Variants in IARS2 observed in about 807,000 individuals in gnomAD.
The protein encoded by IARS2 is isoleucyl-tRNA synthetase 2, mitochondrial.
In IARS2, 56 loss-of-function variants were observed where a neutral mutation model predicts 126.3. The observed-to-expected ratio is 0.44, with a 90% CI of 0.36 to 0.55. The LOEUF is 0.55. Ranked by LOEUF, IARS2 falls within the 20% of genes least tolerant of loss-of-function variation. The probability of loss-of-function intolerance (pLI) is 0.00; values close to 1 mark genes in which losing one functional copy is unlikely to be tolerated. For missense variants in IARS2, 1,127 were observed against 1,245.9 expected, an observed-to-expected ratio of 0.90 and a Z score of 1.44; for synonymous variants, 407 against 441.1, an observed-to-expected ratio of 0.92 and a Z score of 0.97.
In IARS2 at chr1:220,094,241, G is replaced by A. The variant is rs575500514; in HGVS notation, c.25G>A (p.Gly9Arg). 5.6e-6 allele frequency: 9 copies of A among 1,595,532 alleles called. No homozygotes were observed. The highest frequency in any genetic ancestry group is 4.5e-5 in the South Asian group (4 of 89,438). Residue 9 changes from glycine to arginine, a missense_variant, in exon 1 of 23, where the codon GGG becomes AGG. Gly to Arg is a moderately radical substitution (Grantham distance 125). Transcript: ENST00000366922. The stretch of plus-strand genomic sequence containing the variant: ...CATGCGTTGGGGGCTGCGCCCTCGC[G>A]GGCCGGGCGCGGCCGCCCTGGCCAC... MRWGLRPRGPGAAALATAR... is the reference protein window; with the variant it reads MRWGLRPRRPGAAALATAR...
intron 15 of IARS2, among the ~76,000 whole-genome samples, chr1:220,136,024 T>A (rs553864370): frequency 1.3e-5 from 2 of 152,134 alleles, no homozygotes; most frequent in Non-Finnish European, 2.9e-5. Flanking sequence ...ATAAAATCAG[T>A]ACATAGCAGA....
At chr1:220,132,021 C>T (rs1057096549) in intron 14 of IARS2, among the ~76,000 whole-genome samples, 5 of 152,060 alleles carry the variant, frequency 3.3e-5, no homozygotes, top group African/African-American at 9.7e-5. Flanking sequence ...TGGTCTCGAT[C>T]TCCTGACCTC....
rs1378034278 is a variant in IARS2 at position 220,139,005 on chromosome 1, T to A, written c.2176-3T>A. 3 of 1,605,586 alleles carry A rather than the reference T, an allele frequency of 1.9e-6. No homozygotes were observed. In the African/African-American group the frequency reaches 4.0e-5, roughly 22 times the overall value. Reference sequence around the variant, plus strand: ...ACTGCATATTTTTTCTTCCTATGAATAGCTTAGGAATACACTTCGCTTTCT... The same window carrying A: ...ACTGCATATTTTTTCTTCCTATGAAAAGCTTAGGAATACACTTCGCTTTCT... On this transcript the variant is annotated splice_region_variant and splice_polypyrimidine_tract_variant and intron_variant, in intron 17 of 22. Coordinates refer to ENST00000366922, the MANE Select transcript of IARS2 (RefSeq NM_018060.4).
At chr1:220,134,350 T>C in intron 14 of IARS2, 52 bp from the exon 15 acceptor site, 3 of 1,258,016 alleles carry the variant, frequency 2.4e-6, no homozygotes, top group Non-Finnish European at 3.3e-6. Flanking sequence ...TTTTTCTATT[T>C]TAATTAACTT....
chr1:220,146,114 A>G (rs1297138364), intron 22 of IARS2, among the ~76,000 whole-genome samples: 1 of 152,214 alleles, frequency 6.6e-6, no homozygotes, highest in Non-Finnish European at 1.5e-5. Flanking sequence ...TATTGAGCTC[A>G]TTCTAACAAT....
At chr1:220,107,501 A>G (rs1056711826) in intron 10 of IARS2, among the ~76,000 whole-genome samples, 5 of 152,210 alleles carry the variant, frequency 3.3e-5, no homozygotes, top group African/African-American at 1.2e-4. Flanking sequence ...TAACTGACCT[A>G]TATGGCATGA....
At position 220,136,780 on chromosome 1, in the gene IARS2, T is replaced by A. The variant is rs560189338; in HGVS notation, c.1947-29T>A. ...AAAAAGATAATTATAATTGTGTTTA[T>A]CATTAAAATAGCTGATTTGTCCCTT... On this transcript the variant is annotated intron_variant, in intron 15 of 22. Transcript: ENST00000366922. The A allele has an allele frequency of 5.7e-5, 66 of 1,150,888 alleles. No homozygotes were observed. The South Asian group carries it at 8.2e-4, about 14-fold the overall frequency. The allele number at this position is 1,150,888 out of a possible 1,614,324, so 71.3% of individuals were successfully genotyped here.
chr1:220,099,388 G>A (rs1656519058), intron 2 of IARS2, among the ~76,000 whole-genome samples: 1 of 152,092 alleles, frequency 6.6e-6, no homozygotes, highest in South Asian at 2.1e-4. Context: ...TACAGTCGAT[G>A]TAAAACATTT....
chr1:220,116,369 T>C (rs568740789), intron 12 of IARS2, among the ~76,000 whole-genome samples: 1 of 152,214 alleles, frequency 6.6e-6, no homozygotes, highest in East Asian at 1.9e-4. Flanking sequence ...AGGCTTTGAG[T>C]GTTGTTGCTG....
At chr1:220,122,159 T>A (rs189779511) in intron 12 of IARS2, among the ~76,000 whole-genome samples, 1 of 152,326 alleles carries the variant, frequency 6.6e-6, no homozygotes. Context: ...GTTACTCACT[T>A]TCTTTAGTTA....
At chr1:220,131,171 C>CTTTATTTA (rs781127057) in intron 14 of IARS2, among the ~76,000 whole-genome samples, 1 of 151,490 alleles carries the variant, frequency 6.6e-6, no homozygotes, top group African/African-American at 2.4e-5. Context: ...TGCATTGAAT[C>CTTTATTTA]TTTATTTATT....
rs746350943 is a variant in IARS2 at position 220,103,559 on chromosome 1, T to C, written c.1063T>C (p.Ser355Pro). 2 of 1,586,426 alleles carry C rather than the reference T, an allele frequency of 1.3e-6. No homozygotes were observed. The highest frequency in any genetic ancestry group is 1.7e-6 in the Non-Finnish European group (2 of 1,155,050). The part of the protein sequence containing the change: ...ETTFETISTL[S>P]GVDLENGTCS... ...AACATTTGAGACTATTTCAACACTT[T>C]CAGGTGAAGATTTTTAGATATCTGA... Residue 355 changes from serine (S) to proline (P), a missense_variant, in exon 8 of 23, where the codon TCA (serine) becomes CCA (proline). By Grantham distance (74) the Ser-to-Pro change is moderately conservative. Coordinates refer to ENST00000366922, the MANE Select transcript of IARS2 (RefSeq NM_018060.4).
At chr1:220,100,378 T>C in intron 2 of IARS2, 112 bp from the exon 3 acceptor site, 1 of 881,892 alleles carries the variant, frequency 1.1e-6, no homozygotes, top group East Asian at 2.7e-5. Context: ...ACATAAATTG[T>C]AGGCCAAATA....
chr1:220,141,933 A>C lies in IARS2; in HGVS notation c.2545A>C (p.Ile849Leu), dbSNP rs765929786. Residue 849 changes from isoleucine to leucine, a missense_variant, in exon 20 of 23, where the codon ATA becomes CTA. By Grantham distance (5) the Ile-to-Leu change is conservative (BLOSUM62 2). Transcript: ENST00000366922. The part of the protein sequence containing the change: ...PHLAEEVFQH[I>L]PYIKEPKSVF... ...CCTGGCTGAAGAGGTGTTCCAGCAC[A>C]TACCTTATATTAAAGGTAAGGAATA... is the stretch of plus-strand genomic sequence containing the variant. 5.0e-6 allele frequency: 8 copies of C among 1,613,784 alleles called. No individual in the cohort carries two copies. The East Asian group carries it at 1.3e-4, about 27-fold the overall frequency.
At chr1:220,138,128 T>C (rs1292002758) in intron 17 of IARS2, 85 bp downstream of exon 17, 10 of 1,395,552 alleles carry the variant, frequency 7.2e-6, no homozygotes, top group Admixed American at 3.6e-5. Context: ...TGTTTGGAAC[T>C]GAAAAAAACT....
intron 10 of IARS2, 37 bp from the exon 11 acceptor site, chr1:220,110,749 T>C (rs1379780257): frequency 1.3e-6 from 2 of 1,490,640 alleles, no homozygotes; most frequent in Admixed American, 4.0e-5. Context: ...CACAGTACTT[T>C]TTAATTATGT....
In IARS2 at chr1:220,110,793, G is replaced by A. The variant is rs761943135; in HGVS notation, c.1335G>A (p.Lys445=). 2.5e-6 allele frequency: 4 copies of A among 1,583,176 alleles called. No homozygotes were observed. The Admixed American group carries it at 7.0e-5, about 28-fold the overall frequency. ...GTGTTTTTTTTTTTAAAGTTATAAAGATGCTTCAGACTGCAAAGAATTTGT... is the reference window on the plus strand; with the variant it reads ...GTGTTTTTTTTTTTAAAGTTATAAAAATGCTTCAGACTGCAAAGAATTTGT... ...VLEEGTDVVI[K]MLQTAKNLLK... The change falls in exon 11 of 23, where the codon AAG becomes AAA. Residue 445 remains lysine, a synonymous_variant. Coordinates refer to ENST00000366922, the MANE Select transcript of IARS2 (RefSeq NM_018060.4).
chr1:220,136,680 T>C (rs1657382435), intron 15 of IARS2, 129 bp from the exon 16 acceptor site: 1 of 505,984 alleles, frequency 2.0e-6, no homozygotes, highest in African/African-American at 2.0e-5. Flanking sequence ...GAAAAGGTTT[T>C]ATTCATAATC....
At chr1:220,102,325 A>G (rs1431926705) in intron 4 of IARS2, 38 bp from the exon 5 acceptor site, 1 of 1,609,952 alleles carries the variant, frequency 6.2e-7, no homozygotes, top group Non-Finnish European at 8.5e-7. Flanking sequence ...ATGCGTTACA[A>G]GATTCTACTT....
Sources: allele counts gnomAD v4.1 joint callset (sites outside exome capture counted in the v4.1 genomes callset), GRCh38; gene constraint gnomAD v4.1.1; transcripts MANE v1.5; gene names NCBI Gene and HGNC (gene_info 2026-07-23, HGNC 2026-07-21).